ATP10A: variants seen among roughly 807,000 people sequenced by gnomAD.
ATP10A encodes the protein phospholipid-transporting ATPase VA.
A neutral mutation model predicts 147.8 loss-of-function variants in ATP10A; 111 were observed. The observed-to-expected ratio is 0.75, with a 90% CI of 0.64 to 0.88. The LOEUF is 0.88. Ranked by LOEUF, ATP10A falls within the 40% of genes least tolerant of loss-of-function variation. ATP10A has a pLI of 0.00. For missense variants in ATP10A, 1,927 were observed against 1,959.0 expected (o/e 0.98, Z 0.31); for synonymous variants, 875 against 841.6 (o/e 1.04, Z -0.69).
At chr15:25,734,717 G>A (rs1199610296) in intron 3 of ATP10A, among the ~76,000 whole-genome samples, 1 of 152,142 alleles carries the variant, frequency 6.6e-6, no homozygotes, top group Non-Finnish European at 1.5e-5. Context: ...CTTATTTAAG[G>A]GGTGATTTAA....
downstream of ATP10A, among the ~76,000 whole-genome samples, chr15:25,675,391 A>G (rs1004627172): frequency 6.6e-6 from 1 of 152,250 alleles, no homozygotes; most frequent in African/African-American, 2.4e-5. Flanking sequence ...TTTAAATACA[A>G]ACATGAGAAG....
intron 13 of ATP10A, among the ~76,000 whole-genome samples, chr15:25,700,543 A>G (rs544764859): frequency 3.9e-5 from 6 of 152,220 alleles, no homozygotes; most frequent in African/African-American, 1.4e-4. Context: ...GTGAATCTCA[A>G]AAGTGTTATG....
At chr15:25,778,039 C>T (rs1372760612) in intron 2 of ATP10A, among the ~76,000 whole-genome samples, 1 of 152,062 alleles carries the variant, frequency 6.6e-6, no homozygotes, top group Admixed American at 6.5e-5. Context: ...TTCTTCACAT[C>T]AGACTTTCTC....
intron 2 of ATP10A, among the ~76,000 whole-genome samples, chr15:25,737,608 G>A (rs939038710): frequency 1.3e-5 from 2 of 152,082 alleles, no homozygotes; most frequent in Admixed American, 6.5e-5. Flanking sequence ...CTGGAACTGG[G>A]GAGGATTTGG....
chr15:25,808,592 C>G (rs959732411), intron 1 of ATP10A, among the ~76,000 whole-genome samples: 2 of 152,182 alleles, frequency 1.3e-5, no homozygotes, highest in South Asian at 4.1e-4. Flanking sequence ...CCATGTTGGT[C>G]AGGATGGTCT....
intron 13 of ATP10A, among the ~76,000 whole-genome samples, chr15:25,697,926 A>G (rs1235508371): frequency 1.3e-5 from 2 of 152,160 alleles, no homozygotes; most frequent in African/African-American, 4.8e-5. Flanking sequence ...GATAAGAAAA[A>G]CATCAGACAA....
chr15:25,722,130 G>A (rs1339316512), intron 6 of ATP10A, among the ~76,000 whole-genome samples: 1 of 152,216 alleles, frequency 6.6e-6, no homozygotes, highest in Non-Finnish European at 1.5e-5. Context: ...GCAGCTGCAG[G>A]GCGGGGATCC....
At chr15:25,864,859 C>T (rs1893919307), upstream of ATP10A, among the ~76,000 whole-genome samples, 1 of 152,148 alleles carries the variant, frequency 6.6e-6, no homozygotes. Context: ...ACCCCCGAGG[C>T]CTTCGGCCTC....
chr15:25,748,203 C>T (rs895417628), intron 2 of ATP10A, among the ~76,000 whole-genome samples: 17 of 152,144 alleles, frequency 1.1e-4, no homozygotes, highest in Admixed American at 6.5e-4. Flanking sequence ...ACCTCGTGAT[C>T]TGCCAGCCTT....
At chr15:25,857,261 T>C (rs1387341237) in intron 1 of ATP10A, among the ~76,000 whole-genome samples, 3 of 151,990 alleles carry the variant, frequency 2.0e-5, no homozygotes, top group African/African-American at 4.8e-5. Flanking sequence ...CTGGGCAACA[T>C]AGTGAGACCT....
At chr15:25,737,577 G>T (rs543672786) in intron 2 of ATP10A, among the ~76,000 whole-genome samples, 14 of 152,234 alleles carry the variant, frequency 9.2e-5, no homozygotes, top group Admixed American at 8.5e-4. Flanking sequence ...GCACGGGACG[G>T]CTGGCTTCCT....
At chr15:25,814,763 T>C (rs1479641599) in intron 1 of ATP10A, among the ~76,000 whole-genome samples, 1 of 152,146 alleles carries the variant, frequency 6.6e-6, no homozygotes, top group East Asian at 1.9e-4. Flanking sequence ...TCTGTCTCAT[T>C]TGGGAAGTCA....
chr15:25,763,769 C>T (rs894412825), intron 2 of ATP10A, among the ~76,000 whole-genome samples: 3 of 152,124 alleles, frequency 2.0e-5, no homozygotes, highest in Admixed American at 6.5e-5. Flanking sequence ...AAGCTCCTCC[C>T]CTGTGGATCA....
chr15:25,814,750 C>T (rs563591227), intron 1 of ATP10A, among the ~76,000 whole-genome samples: 9 of 152,216 alleles, frequency 5.9e-5, no homozygotes, highest in African/African-American at 2.2e-4. Flanking sequence ...CCCTTGGAAC[C>T]GTTCTGTCTC....
chr15:25,738,296 C>A (rs533654003), intron 2 of ATP10A, among the ~76,000 whole-genome samples: 11 of 152,152 alleles, frequency 7.2e-5, no homozygotes, highest in Non-Finnish European at 1.5e-4. Flanking sequence ...AAAGTAGAGG[C>A]CCCCGATCCA....
intron 9 of ATP10A, 41 bp from the exon 10 acceptor site, chr15:25,714,282 A>C: frequency 1.3e-6 from 2 of 1,581,634 alleles, no homozygotes; most frequent in Non-Finnish European, 1.7e-6. Context: ...GGGAACTGCT[A>C]TGTCCCCCAG....
intron 15 of ATP10A, 21 bp from the exon 16 acceptor site, chr15:25,687,849 C>T: frequency 6.2e-7 from 1 of 1,613,774 alleles, no homozygotes; most frequent in Non-Finnish European, 8.5e-7. Flanking sequence ...AGAGGGATTC[C>T]TGTTACTGGT....
chr15:25,848,127 G>GT (rs66727128), intron 1 of ATP10A, among the ~76,000 whole-genome samples: 22 of 148,622 alleles, frequency 1.5e-4, no homozygotes, highest in African/African-American at 4.2e-4. Flanking sequence ...TCTAAAAAGT[G>GT]TTTTTTTTTT....
chr15:25,830,132 C>A (rs944317214), intron 1 of ATP10A, among the ~76,000 whole-genome samples: 1 of 152,110 alleles, frequency 6.6e-6, no homozygotes, highest in Non-Finnish European at 1.5e-5. Flanking sequence ...TGAATGGAGC[C>A]ACGGAGAGGA....
Sources: gnomAD v4.1 joint callset for allele counts (sites outside exome capture counted in the v4.1 genomes callset) on GRCh38, gnomAD v4.1.1 for gene constraint, MANE v1.5 for transcripts, NCBI Gene and HGNC (gene_info 2026-07-23, HGNC 2026-07-21) for gene names.